ITPR2: variants seen among roughly 807,000 people sequenced by gnomAD.
ITPR2 encodes the protein inositol 1,4,5-trisphosphate-gated calcium channel ITPR2.
In ITPR2, 207 loss-of-function variants were observed where a neutral mutation model predicts 317.1. The ratio of observed to expected loss-of-function variants is 0.65; its 90% CI spans 0.58 to 0.73. The LOEUF is 0.73. Among genes scored for constraint, ITPR2 ranks in the 30% least tolerant of loss-of-function variants. ITPR2 has a pLI of 0.00. For synonymous variants in ITPR2, 1,156 were observed against 1,149.1 expected (o/e 1.01, Z -0.12); for missense variants, 2,613 against 3,284.0 (o/e 0.80, Z 4.99).
At chr12:26,383,012 T>C (rs1437373501) in intron 55 of ITPR2, among the ~76,000 whole-genome samples, 1 of 152,186 alleles carries the variant, frequency 6.6e-6, no homozygotes, top group Non-Finnish European at 1.5e-5. Context: ...AGGTGGGGCT[T>C]AGTGGGAGGC....
chr12:26,567,371 A>G (rs1009492306), intron 34 of ITPR2, among the ~76,000 whole-genome samples: 6 of 152,186 alleles, frequency 3.9e-5, no homozygotes, highest in African/African-American at 1.4e-4. Context: ...TGGACAAACC[A>G]GGCTGGGGAG....
rs1565574500 is a variant in ITPR2 at position 26,516,266 on chromosome 12, GGAAA to G, written c.5074-21010_5074-21007del. ...GGAAAGGAAAGGAAAGGAAAGGAAA[GGAAA>G]GGAAGGGAAGGGAAGGGAAAGGAAA... On this transcript the variant is annotated intron_variant, in intron 37 of 56. Coordinates refer to ENST00000381340, the MANE Select transcript of ITPR2 (RefSeq NM_002223.4). Among the ~76,000 whole-genome samples the G allele has an allele frequency of 1.2e-3, 58 of 46,904 alleles. 1 individual carries two copies. The highest frequency in any genetic ancestry group is 1.6e-3 in the African/African-American group (24 of 15,194). 30.8% of individuals were successfully genotyped at this position (46,904 alleles called of 152,430 possible).
chr12:26,753,902 G>A (rs1007100897), intron 2 of ITPR2, among the ~76,000 whole-genome samples: 9 of 152,154 alleles, frequency 5.9e-5, no homozygotes, highest in Non-Finnish European at 1.2e-4. Context: ...GCTTGACCTT[G>A]TAACCGTGTG....
At chr12:26,472,620 C>A (rs1942319839) in intron 45 of ITPR2, among the ~76,000 whole-genome samples, 2 of 152,136 alleles carry the variant, frequency 1.3e-5, no homozygotes, top group African/African-American at 4.8e-5. Flanking sequence ...TAAATTTCCA[C>A]TTTTTGGGCA....
intron 2 of ITPR2, among the ~76,000 whole-genome samples, chr12:26,769,795 G>A (rs1252316058): frequency 2.0e-5 from 3 of 150,120 alleles, no homozygotes; most frequent in Non-Finnish European, 2.9e-5. Flanking sequence ...AAGACCGGAT[G>A]GGGGGAGTGG....
intron 10 of ITPR2, among the ~76,000 whole-genome samples, chr12:26,691,358 C>T (rs936708299): frequency 1.3e-5 from 2 of 152,056 alleles, no homozygotes; most frequent in African/African-American, 2.4e-5. Flanking sequence ...TTCCCCACAC[C>T]GAATCACAGA....
chr12:26,556,526 G>C (rs1158131858), intron 35 of ITPR2, 151 bp from the exon 36 acceptor site: 3 of 696,730 alleles, frequency 4.3e-6, no homozygotes, highest in African/African-American at 3.8e-5. Flanking sequence ...TTATAGTCTG[G>C]TTTTATGTAA....
chr12:26,520,211 G>A (rs1284073580), intron 37 of ITPR2, among the ~76,000 whole-genome samples: 1 of 152,162 alleles, frequency 6.6e-6, no homozygotes, highest in East Asian at 1.9e-4. Flanking sequence ...TCCCCCTTGT[G>A]ATTTGGGACT....
chr12:26,751,781 G>A (rs575049040), intron 2 of ITPR2, among the ~76,000 whole-genome samples: 39 of 151,842 alleles, frequency 2.6e-4, no homozygotes, highest in East Asian at 5.8e-4. Flanking sequence ...CAGGAGAATC[G>A]CTTGAACCTG....
intron 54 of ITPR2, among the ~76,000 whole-genome samples, chr12:26,393,318 T>C (rs956569333): frequency 7.9e-5 from 12 of 152,220 alleles, no homozygotes; most frequent in African/African-American, 2.7e-4. Context: ...AACCCCCAAA[T>C]ATCCCAACCA....
chr12:26,335,470 G>T lies in ITPR2; in HGVS notation c.*3927C>A, dbSNP rs542296812. ...CTACTGCAGGAGAGAAAGTCTTCTTGGTGATATGAGAAATACTGGTGTGAT... is the reference window on the plus strand; with the variant it reads ...CTACTGCAGGAGAGAAAGTCTTCTTTGTGATATGAGAAATACTGGTGTGAT... On this transcript the variant is annotated 3_prime_UTR_variant, in exon 57 of 57. Transcript: ENST00000381340. Among the ~76,000 whole-genome samples the T allele has an allele frequency of 6.6e-6, 1 of 152,060 alleles. No homozygotes were observed. Among genetic ancestry groups the T allele is most frequent in the Non-Finnish European group, 1.5e-5 (1 of 68,006 alleles).
At chr12:26,445,958 G>C (rs960188909) in intron 45 of ITPR2, among the ~76,000 whole-genome samples, 8 of 152,142 alleles carry the variant, frequency 5.3e-5, no homozygotes, top group African/African-American at 1.7e-4. Context: ...GAATGATCTA[G>C]AACATTTGTA....
At chr12:26,433,995 AATTAAAAAAC>A (rs1417184969) in intron 48 of ITPR2, among the ~76,000 whole-genome samples, 4 of 152,180 alleles carry the variant, frequency 2.6e-5, no homozygotes, top group Non-Finnish European at 5.9e-5. Context: ...ATATAGGGTA[AATTAAAAAAC>A]ATTTGTATTA....
intron 34 of ITPR2, among the ~76,000 whole-genome samples, chr12:26,578,159 AT>A (rs1201026014): frequency 5.9e-5 from 9 of 151,496 alleles, no homozygotes; most frequent in Admixed American, 2.0e-4. Context: ...AATGGCCCTA[AT>A]TAACTTATTA....
chr12:26,800,225 C>CA (rs34869607), intron 1 of ITPR2, among the ~76,000 whole-genome samples: 69 of 150,748 alleles, frequency 4.6e-4, no homozygotes, highest in African/African-American at 1.4e-3. Context: ...ACTTTCCATT[C>CA]AAAAAAAAAA....
intron 53 of ITPR2, 125 bp from the exon 54 acceptor site, chr12:26,399,166 A>T: frequency 4.4e-6 from 3 of 685,802 alleles, no homozygotes; most frequent in Non-Finnish European, 6.5e-6. Flanking sequence ...TTGGAAAAAT[A>T]AGGCTCACTT....
chr12:26,812,569 ACTCCGT>A (rs1217706306), intron 1 of ITPR2, among the ~76,000 whole-genome samples: 1 of 151,850 alleles, frequency 6.6e-6, no homozygotes, highest in Non-Finnish European at 1.5e-5. Flanking sequence ...ACAGAGCGAG[ACTCCGT>A]CTCAAAAAAA....
intron 39 of ITPR2, 83 bp from the exon 40 acceptor site, chr12:26,487,334 T>C (rs1048577523): frequency 1.0e-5 from 10 of 983,106 alleles, no homozygotes; most frequent in South Asian, 1.7e-5. Context: ...ATAAGCATTA[T>C]AGGCAAAAGC....
chr12:26,567,841 C>T (rs1945016350), intron 34 of ITPR2, among the ~76,000 whole-genome samples: 1 of 149,088 alleles, frequency 6.7e-6, no homozygotes, highest in Admixed American at 6.8e-5. Flanking sequence ...TATCATTTCA[C>T]TTACAAGGAC....
Sources: gnomAD v4.1 joint callset for allele counts (sites outside exome capture counted in the v4.1 genomes callset) on GRCh38, gnomAD v4.1.1 for gene constraint, MANE v1.5 for transcripts, NCBI Gene and HGNC (gene_info 2026-07-23, HGNC 2026-07-21) for gene names.